The following SYNE1 variants were observed in gnomAD, a reference collection of about 807,000 sequenced individuals.
The protein encoded by SYNE1 is spectrin repeat containing nuclear envelope protein 1.
A neutral mutation model predicts 1,111.0 loss-of-function variants in SYNE1; 616 were observed. The observed-to-expected ratio is 0.55, with a 90% CI of 0.52 to 0.59. SYNE1 has a LOEUF of 0.59. Ranked by LOEUF, SYNE1 falls within the 20% of genes least tolerant of loss-of-function variation. The pLI, the probability that SYNE1 is intolerant of heterozygous loss-of-function variation, is 0.00. For missense variants in SYNE1, 10,006 were observed against 10,417.0 expected, an observed-to-expected ratio of 0.96 and a Z score of 1.72; for synonymous variants, 3,855 against 3,825.8, an observed-to-expected ratio of 1.01 and a Z score of -0.28.
intron 5 of SYNE1, among the ~76,000 whole-genome samples, chr6:152,522,104 G>A (rs1277932595): frequency 6.6e-6 from 1 of 151,628 alleles, no homozygotes; most frequent in Non-Finnish European, 1.5e-5. Flanking sequence ...ATAACTTTTA[G>A]GGTACAATTG....
chr6:152,472,525 C>T (rs746685976), intron 14 of SYNE1, 112 bp from the exon 15 acceptor site: 53 of 981,326 alleles, frequency 5.4e-5, no homozygotes, highest in Middle Eastern at 4.1e-4. Flanking sequence ...AATTTGATCC[C>T]GCTGCCACAT....
chr6:152,221,702 G>C, intron 117 of SYNE1, 143 bp from the exon 118 acceptor site: 1 of 1,069,134 alleles, frequency 9.4e-7, no homozygotes, highest in Non-Finnish European at 1.4e-6. Flanking sequence ...TGCTTTATCA[G>C]CTTTCTTTAG....
rs1303676431 is a variant in SYNE1 at position 152,236,927 on chromosome 6, C to T, written c.20089G>A (p.Asp6697Asn). The change falls in exon 109 of 146, where the codon GAC (aspartate) becomes AAC (asparagine). Residue 6697 changes from aspartate (D) to asparagine (N), a missense_variant. Physicochemically the swap from Asp to Asn is conservative, Grantham distance 23 (BLOSUM62 1). Around this residue, in one of 7 missense-constraint regions of SYNE1, gnomAD observed 2,182 missense variants for 2,287.8 expected, o/e 0.95. Coordinates refer to ENST00000367255, the MANE Select transcript of SYNE1 (RefSeq NM_182961.4). The part of the protein sequence containing the change: ...ILETWSHLDE[D>N]QQELSRQLEV... ...AGCTGTCTGCTGAGCTCCTGCTGGTCCTCATCCAGATGGGACCACGTCTAG... is the reference window on the plus strand; with the variant it reads ...AGCTGTCTGCTGAGCTCCTGCTGGTTCTCATCCAGATGGGACCACGTCTAG... 1.2e-6 allele frequency: 2 copies of T among 1,613,986 alleles called. No homozygotes were observed. The highest frequency in any genetic ancestry group is 1.3e-5 in the African/African-American group (1 of 74,924).
At chr6:152,558,982 T>G (rs1310354555) in intron 3 of SYNE1, among the ~76,000 whole-genome samples, 1 of 78,676 alleles carries the variant, frequency 1.3e-5, no homozygotes, top group South Asian at 4.3e-4. Flanking sequence ...TAATTTTTAT[T>G]TATTTATTTA....
intron 32 of SYNE1, among the ~76,000 whole-genome samples, chr6:152,438,997 A>G (rs779428185): frequency 4.6e-5 from 7 of 152,230 alleles, no homozygotes; most frequent in Non-Finnish European, 1.0e-4. Flanking sequence ...GAGTGAGTTC[A>G]TCACCAACTT....
chr6:152,514,286 T>A (rs1594410726), intron 6 of SYNE1, among the ~76,000 whole-genome samples: 1 of 152,174 alleles, frequency 6.6e-6, no homozygotes, highest in South Asian at 2.1e-4. Flanking sequence ...CACCATGGAA[T>A]ACTATGCAGC....
At chr6:152,373,241 T>G (rs764345598) in intron 58 of SYNE1, 22 bp from the exon 59 acceptor site, 9 of 1,591,708 alleles carry the variant, frequency 5.7e-6, no homozygotes, top group Admixed American at 3.5e-5. Context: ...AATATAGAAT[T>G]AGCCATAATG....
chr6:152,364,257 T>C (rs2097009472), intron 63 of SYNE1, among the ~76,000 whole-genome samples: 1 of 152,156 alleles, frequency 6.6e-6, no homozygotes, highest in Non-Finnish European at 1.5e-5. Flanking sequence ...GGGAGTCAAT[T>C]AAACCTCTTT....
intron 106 of SYNE1, among the ~76,000 whole-genome samples, chr6:152,244,101 C>T (rs555327984): frequency 4.5e-4 from 68 of 152,200 alleles, no homozygotes; most frequent in African/African-American, 1.4e-3. Context: ...AACTATAGTG[C>T]TTGCCTTAGA....
intron 3 of SYNE1, among the ~76,000 whole-genome samples, chr6:152,605,970 A>G (rs188007544): frequency 1.3e-5 from 2 of 152,262 alleles, no homozygotes; most frequent in Admixed American, 1.3e-4. Context: ...AATAATTAAC[A>G]ACTATTCTTC....
intron 87 of SYNE1, among the ~76,000 whole-genome samples, chr6:152,312,269 G>A (rs1202796704): frequency 6.7e-6 from 1 of 148,200 alleles, no homozygotes; most frequent in African/African-American, 2.5e-5. Context: ...GAGTGCAATG[G>A]CGTGATCTCG....
chr6:152,615,227 A>G (rs890836152), intron 3 of SYNE1, among the ~76,000 whole-genome samples: 8 of 152,214 alleles, frequency 5.3e-5, no homozygotes, highest in African/African-American at 1.9e-4. Context: ...TAAAATGCAT[A>G]TCTATTCCTG....
In SYNE1 at chr6:152,406,874, A is replaced by G. The variant is rs2097909640; in HGVS notation, c.6723+140T>C. On this transcript the variant is annotated intron_variant, in intron 45 of 145. Transcript: ENST00000367255. ...GTGACAGAGCAAAACTTTGCCTAAA[A>G]TAATAATAATATAATAATAAAATAA... 6 of 484,118 alleles carry G rather than the reference A, an allele frequency of 1.2e-5. No individual in the cohort carries two copies. The South Asian group carries it at 4.4e-4, about 35-fold the overall frequency. 30.0% of individuals were successfully genotyped at this position (484,118 alleles called of 1,614,324 possible). A position where few individuals can be genotyped will look rare whatever the true frequency, so the allele number is the denominator to read the frequency against.
At chr6:152,149,425 C>A in intron 136 of SYNE1, 52 bp downstream of exon 136, 2 of 1,608,484 alleles carry the variant, frequency 1.2e-6, no homozygotes, top group Non-Finnish European at 1.7e-6. Flanking sequence ...CAATCCCACA[C>A]GACTTATTCT....
At chr6:152,551,134 C>A (rs752472368) in intron 3 of SYNE1, among the ~76,000 whole-genome samples, 2 of 152,088 alleles carry the variant, frequency 1.3e-5, no homozygotes, top group African/African-American at 4.8e-5. Flanking sequence ...AGACAATGAT[C>A]GGATAGTAAA....
At chr6:152,239,469 C>A in intron 108 of SYNE1, 64 bp downstream of exon 108, 2 of 1,597,104 alleles carry the variant, frequency 1.3e-6, no homozygotes, top group Non-Finnish European at 1.7e-6. Context: ...ATACATCTTG[C>A]ATTAAAGGTC....
In SYNE1 at chr6:152,231,445, T is replaced by C. The variant is rs749682763; in HGVS notation, c.20985A>G (p.Gln6995=). The C allele has an allele frequency of 1.4e-5, 22 of 1,614,064 alleles. No individual in the cohort carries two copies. The highest frequency in any genetic ancestry group is 1.6e-5 in the Non-Finnish European group (19 of 1,180,038). The change falls in exon 114 of 146, where the codon CAA becomes CAG. Residue 6995 remains glutamine (Q), a synonymous_variant. Coordinates refer to ENST00000367255, the MANE Select transcript of SYNE1 (RefSeq NM_182961.4). ...GCCAACTTTTATTCATTGCTCCAAG[T>C]TGCTCAGCAAAATCAGTCTTATCAC... ...KRSDKTDFAE[Q]LGAMNKSWQI...
At chr6:152,399,197 C>G (rs1280522216) in intron 48 of SYNE1, among the ~76,000 whole-genome samples, 1 of 152,166 alleles carries the variant, frequency 6.6e-6, no homozygotes, top group Admixed American at 6.5e-5. Context: ...GGGCAATTTC[C>G]TGGACCCTAT....
At chr6:152,505,971 G>GT (rs2099056204) in intron 8 of SYNE1, among the ~76,000 whole-genome samples, 1 of 152,188 alleles carries the variant, frequency 6.6e-6, no homozygotes, top group African/African-American at 2.4e-5. Context: ...ATCTCAAAGT[G>GT]TTCACAAAGG....
Sources: gnomAD v4.1 joint callset for allele counts (sites outside exome capture counted in the v4.1 genomes callset) on GRCh38, gnomAD v4.1.1 for gene constraint, gnomAD v4.1.1 regional missense constraint, MANE v1.5 for transcripts, NCBI Gene and HGNC (gene_info 2026-07-23, HGNC 2026-07-21) for gene names.